The following SAMD4A variants were observed in gnomAD, a reference collection of about 807,000 sequenced individuals.
SAMD4A encodes sterile alpha motif domain containing 4A.
In SAMD4A, 33 loss-of-function variants were observed where a neutral mutation model predicts 81.3. The ratio of observed to expected loss-of-function variants is 0.41; its 90% CI spans 0.31 to 0.54. The LOEUF is 0.54. SAMD4A is among the 20% of genes least tolerant of loss of function. The probability of loss-of-function intolerance (pLI) is 0.37; values close to 1 mark genes in which losing one functional copy is unlikely to be tolerated. For missense variants in SAMD4A, 854 were observed against 951.1 expected, an observed-to-expected ratio of 0.90 and a Z score of 1.34; for synonymous variants, 389 against 382.1, an observed-to-expected ratio of 1.02 and a Z score of -0.21.
intron 11 of SAMD4A, among the ~76,000 whole-genome samples, chr14:54,782,423 A>T (rs1412539876): frequency 2.0e-5 from 3 of 151,848 alleles, no homozygotes; most frequent in African/African-American, 7.3e-5. Flanking sequence ...TAATTTTTGC[A>T]TGCATATGAT....
chr14:54,712,033 A>C (rs935004122), intron 3 of SAMD4A, among the ~76,000 whole-genome samples: 14 of 152,158 alleles, frequency 9.2e-5, no homozygotes, highest in African/African-American at 3.4e-4. Flanking sequence ...CAGAACACAG[A>C]TATTCAAGAG....
At chr14:54,770,848 G>GTGACAA (rs1206300450) in intron 9 of SAMD4A, among the ~76,000 whole-genome samples, 3 of 152,184 alleles carry the variant, frequency 2.0e-5, no homozygotes, top group African/African-American at 7.2e-5. Flanking sequence ...ATGAACTGCA[G>GTGACAA]TGACAATTTG....
At chr14:54,680,447 G>T (rs1165811396) in intron 2 of SAMD4A, among the ~76,000 whole-genome samples, 1 of 152,104 alleles carries the variant, frequency 6.6e-6, no homozygotes, top group Non-Finnish European at 1.5e-5. Context: ...TGATGTTTAG[G>T]GTTGCAATAT....
At position 54,751,666 on chromosome 14, in the gene SAMD4A, G is replaced by A. The variant is rs776345721; in HGVS notation, c.1176+129G>A. 15 of 702,330 alleles carry A rather than the reference G, an allele frequency of 2.1e-5. 1 individual carries two copies. The South Asian group carries it at 2.5e-4, about 12-fold the overall frequency. 43.5% of individuals were successfully genotyped at this position (702,330 alleles called of 1,614,324 possible). A position where few individuals can be genotyped will look rare whatever the true frequency, so the allele number is the denominator to read the frequency against. ...ATGTGGTTTCCTTACCAAAGTCAGAGAAAACGGAATGATTTTGAAGTGAAA... is the reference window on the plus strand; with the variant it reads ...ATGTGGTTTCCTTACCAAAGTCAGAAAAAACGGAATGATTTTGAAGTGAAA... On this transcript the variant is annotated intron_variant, in intron 6 of 12. Transcript: ENST00000554335.
intron 2 of SAMD4A, 108 bp downstream of exon 2, chr14:54,568,220 G>T (rs887405939): frequency 2.0e-5 from 21 of 1,067,662 alleles, no homozygotes; most frequent in Non-Finnish European, 2.5e-5. Flanking sequence ...AGCCGCGCCG[G>T]GACCTGGACG....
intron 4 of SAMD4A, among the ~76,000 whole-genome samples, chr14:54,742,120 A>AG (rs2037858721): frequency 6.6e-6 from 1 of 151,996 alleles, no homozygotes; most frequent in Non-Finnish European, 1.5e-5. Context: ...TCAGTAATTG[A>AG]GGGGGAAAAG....
At chr14:54,633,508 A>G (rs1270042371) in intron 2 of SAMD4A, among the ~76,000 whole-genome samples, 1 of 152,124 alleles carries the variant, frequency 6.6e-6, no homozygotes, top group East Asian at 1.9e-4. Flanking sequence ...GGGGACAAGT[A>G]GAGGGAGACA....
rs550723561 is a variant in SAMD4A, at chr14:54,568,265, C to T, written c.196+153C>T. On this transcript the variant is annotated intron_variant, in intron 2 of 12. Transcript: ENST00000554335. ...CGAGGCCCTCGGAATCCACCCCCTC[C>T]GGGTGTCCCCCCACTACCGCCCCCC... 8.0e-3 allele frequency among the ~76,000 whole-genome samples: 1,221 copies of T among 151,936 alleles called. 16 individuals are homozygous for T. The highest frequency in any genetic ancestry group is 0.028 in the African/African-American group (1,164 of 41,434).
chr14:54,587,931 C>G (rs186841352), intron 2 of SAMD4A, among the ~76,000 whole-genome samples: 215 of 152,232 alleles, frequency 1.4e-3, no homozygotes, highest in Non-Finnish European at 2.5e-3. Context: ...CCCTCTTTCT[C>G]TATCTTTTGG....
intron 2 of SAMD4A, chr14:54,693,192 T>C (rs2036495671): frequency 6.6e-6 from 1 of 152,202 alleles, no homozygotes; most frequent in Non-Finnish European, 1.5e-5. Flanking sequence ...TCCATGTTCC[T>C]GTTTTTATTT....
At chr14:54,639,801 AACACACACACAC>A (rs10677522) in intron 2 of SAMD4A, among the ~76,000 whole-genome samples, 2 of 148,844 alleles carry the variant, frequency 1.3e-5, no homozygotes, top group African/African-American at 2.5e-5. Context: ...CATTGCTTGA[AACACACACACAC>A]ACACACACAC....
intron 2 of SAMD4A, among the ~76,000 whole-genome samples, chr14:54,684,704 C>G (rs1206058672): frequency 6.7e-6 from 1 of 148,568 alleles, no homozygotes; most frequent in Non-Finnish European, 1.5e-5. Flanking sequence ...TTTCACTTCT[C>G]AGCTGCAGCT....
chr14:54,766,583 G>T (rs1440506481), intron 8 of SAMD4A, among the ~76,000 whole-genome samples: 1 of 152,186 alleles, frequency 6.6e-6, no homozygotes, highest in African/African-American at 2.4e-5. Flanking sequence ...GACTCGGTTC[G>T]TAAGGAGGCA....
At chr14:54,624,877 A>G (rs2034708670) in intron 2 of SAMD4A, among the ~76,000 whole-genome samples, 1 of 152,182 alleles carries the variant, frequency 6.6e-6, no homozygotes, top group Non-Finnish European at 1.5e-5. Flanking sequence ...GTTTTTAAGT[A>G]TCAGAAAAAT....
chr14:54,568,670 TA>T (rs1304632843), intron 2 of SAMD4A, among the ~76,000 whole-genome samples: 1 of 123,588 alleles, frequency 8.1e-6, no homozygotes, highest in Non-Finnish European at 1.6e-5. Context: ...CGCTAGAGAC[TA>T]GTAAAATGAC....
chr14:54,724,044 G>GGAAGGAAC (rs1176888555), intron 3 of SAMD4A, among the ~76,000 whole-genome samples: 1 of 151,420 alleles, frequency 6.6e-6, no homozygotes, highest in African/African-American at 2.4e-5. Flanking sequence ...AAGGAAGGAA[G>GGAAGGAAC]GAAGGAATAA....
chr14:54,758,580 A>C (rs2038307225), intron 6 of SAMD4A, among the ~76,000 whole-genome samples: 1 of 152,274 alleles, frequency 6.6e-6, no homozygotes. Flanking sequence ...CTGTAATCCC[A>C]GCACTTTGGG....
At chr14:54,715,571 T>G (rs2037098198) in intron 3 of SAMD4A, among the ~76,000 whole-genome samples, 1 of 152,144 alleles carries the variant, frequency 6.6e-6, no homozygotes. Flanking sequence ...ACCTGGAGTG[T>G]GAAGGGAAGT....
At chr14:54,728,897 C>T (rs1307409612) in intron 3 of SAMD4A, among the ~76,000 whole-genome samples, 1 of 152,184 alleles carries the variant, frequency 6.6e-6, no homozygotes, top group African/African-American at 2.4e-5. Flanking sequence ...CTGTCCTTAC[C>T]TGATCAGTGA....
Sources: gnomAD v4.1 joint callset for allele counts (sites outside exome capture counted in the v4.1 genomes callset) on GRCh38, gnomAD v4.1.1 for gene constraint, MANE v1.5 for transcripts, NCBI Gene and HGNC (gene_info 2026-07-23, HGNC 2026-07-21) for gene names.